The following HECW2 variants were observed in gnomAD, a reference collection of about 807,000 sequenced individuals.
HECW2 encodes HECT, C2 and WW domain containing E3 ubiquitin protein ligase 2.
HECW2 carries 61 observed loss-of-function variants against 175.2 expected under a neutral mutation model. The ratio of observed to expected loss-of-function variants is 0.35; its 90% CI spans 0.28 to 0.43. The LOEUF (loss-of-function observed/expected upper bound fraction) is 0.43. HECW2 is among the 20% of genes least tolerant of loss of function. The pLI is 1.00. For missense variants in HECW2, 1,524 were observed against 2,000.5 expected, an observed-to-expected ratio of 0.76 and a Z score of 4.54; for synonymous variants, 671 against 731.0, an observed-to-expected ratio of 0.92 and a Z score of 1.32.
At chr2:196,553,903 C>G (rs556902364) in intron 1 of HECW2, among the ~76,000 whole-genome samples, 1 of 152,224 alleles carries the variant, frequency 6.6e-6, no homozygotes, top group East Asian at 1.9e-4. Flanking sequence ...TCCACCTAAC[C>G]AATAAAAAAC....
At chr2:196,211,746 G>A (rs757767508) in intron 28 of HECW2, among the ~76,000 whole-genome samples, 1 of 152,100 alleles carries the variant, frequency 6.6e-6, no homozygotes, top group African/African-American at 2.4e-5. Flanking sequence ...TCATTGCTCC[G>A]GTTGCCAGGA....
chr2:196,393,506 C>A (rs1694572729), intron 2 of HECW2, among the ~76,000 whole-genome samples: 1 of 152,116 alleles, frequency 6.6e-6, no homozygotes. Context: ...TATGAATAGA[C>A]AATTCTCAAA....
chr2:196,547,462 C>G (rs898745109), intron 1 of HECW2, among the ~76,000 whole-genome samples: 2 of 152,220 alleles, frequency 1.3e-5, no homozygotes, highest in Non-Finnish European at 2.9e-5. Flanking sequence ...GTCATAGACT[C>G]TATCAAACTT....
chr2:196,388,128 TAA>T (rs944088180), intron 2 of HECW2, among the ~76,000 whole-genome samples: 10 of 145,356 alleles, frequency 6.9e-5, no homozygotes, highest in East Asian at 4.1e-4. Flanking sequence ...TCATCTCTAC[TAA>T]AAAAAAAAAA....
At chr2:196,218,329 C>T (rs1687549479) in intron 26 of HECW2, 1 of 152,220 alleles carries the variant, frequency 6.6e-6, no homozygotes, top group Non-Finnish European at 1.5e-5. Flanking sequence ...CTTCTTTACT[C>T]AGTGCCAAGT....
rs1161014812 is a variant in HECW2, at chr2:196,308,070, A to G, written c.2450T>C (p.Ile817Thr). Residue 817 changes from isoleucine (I) to threonine (T), a missense_variant, in exon 11 of 29, where the codon ATT (isoleucine) becomes ACT (threonine). Ile to Thr is a moderately conservative substitution (Grantham distance 89). Around this residue, in one of 11 missense-constraint regions of HECW2, gnomAD observed 82 missense variants for 124.4 expected, o/e 0.66. Transcript: ENST00000644978. ...EALPPNWEARIDSHGRIFYVD... is the reference protein window; with the variant it reads ...EALPPNWEARTDSHGRIFYVD... The stretch of plus-strand genomic sequence containing the variant: ...GTAGAAGATCCTGCCGTGGCTGTCA[A>G]TGCGTGCCTCCCAGTCTAAATGGCA... The G allele has an allele frequency of 6.3e-7, 1 of 1,587,708 alleles. No individual in the cohort carries two copies. Among genetic ancestry groups the G allele is most frequent in the Non-Finnish European group, 8.6e-7 (1 of 1,161,478 alleles).
At chr2:196,255,485 A>G (rs1344443102) in intron 18 of HECW2, among the ~76,000 whole-genome samples, 2 of 152,220 alleles carry the variant, frequency 1.3e-5, no homozygotes, top group Non-Finnish European at 2.9e-5. Context: ...TACATGAAAC[A>G]CAAAAATCAA....
chr2:196,223,147 C>A (rs7571128), intron 23 of HECW2, among the ~76,000 whole-genome samples: 4,438 of 152,268 alleles, frequency 0.029, 157 homozygotes, highest in African/African-American at 0.09. Context: ...GATGAATAGT[C>A]ACTACCCCCA....
chr2:196,210,006 G>A (rs1401457553), intron 28 of HECW2, among the ~76,000 whole-genome samples: 1 of 152,064 alleles, frequency 6.6e-6, no homozygotes, highest in African/African-American at 2.4e-5. Flanking sequence ...CTCGTGATCT[G>A]CCCACCTTGG....
chr2:196,436,118 G>A (rs1393602023), intron 1 of HECW2, among the ~76,000 whole-genome samples: 2 of 152,066 alleles, frequency 1.3e-5, no homozygotes, highest in African/African-American at 2.4e-5. Flanking sequence ...CCTGGTCTTC[G>A]AGCCGGGCCT....
At chr2:196,216,009 G>A in intron 27 of HECW2, 32 bp from the exon 28 acceptor site, 1 of 1,481,092 alleles carries the variant, frequency 6.8e-7, no homozygotes. Flanking sequence ...AGGAGAAGGT[G>A]AAGCCAGAGA....
At position 196,199,776 on chromosome 2, in the gene HECW2, A is replaced by T. The variant is rs1686798298; in HGVS notation, c.*1501T>A. ...ATCCCAAAAGCAATTAAAATGAAGA[A>T]TACCTTCTCATAAAATTAAGCAGAA... On this transcript the variant is annotated 3_prime_UTR_variant, in exon 29 of 29. Coordinates refer to ENST00000644978, the MANE Select transcript of HECW2 (RefSeq NM_001348768.2). 1 of 152,198 alleles carries T rather than the reference A, an allele frequency of 6.6e-6. No homozygotes were observed. Among genetic ancestry groups the T allele is most frequent in the Admixed American group, 6.5e-5 (1 of 15,282 alleles). The allele number at this position is 152,198 out of a possible 1,614,324, so 9.4% of individuals were successfully genotyped here.
At chr2:196,247,565 T>C (rs1425236817) in intron 19 of HECW2, among the ~76,000 whole-genome samples, 1 of 152,220 alleles carries the variant, frequency 6.6e-6, no homozygotes, top group African/African-American at 2.4e-5. Context: ...ATTTTGCTAA[T>C]ACTGTGCAGG....
chr2:196,318,821 C>G lies in HECW2; in HGVS notation c.2069G>C (p.Ser690Thr). ...EDGACAAEPT[S>T]SGPAEGSQES... Reference sequence around the variant, plus strand: ...CTGCGACCCTTCGGCAGGGCCACTGCTGGTGGGCTCTGCTGCACAGGCTCC... The same window carrying G: ...CTGCGACCCTTCGGCAGGGCCACTGGTGGTGGGCTCTGCTGCACAGGCTCC... Residue 690 changes from serine to threonine, a missense_variant, in exon 9 of 29, where the codon AGC (serine) becomes ACC (threonine). By Grantham distance (58) the Ser-to-Thr change is moderately conservative. Transcript: ENST00000644978. The G allele has an allele frequency of 6.5e-7, 1 of 1,536,026 alleles. No individual in the cohort carries two copies. The highest frequency in any genetic ancestry group is 8.8e-7 in the Non-Finnish European group (1 of 1,140,670).
chr2:196,219,280 T>C (rs1022679438), intron 26 of HECW2, among the ~76,000 whole-genome samples: 1 of 152,340 alleles, frequency 6.6e-6, no homozygotes, highest in Admixed American at 6.5e-5. Context: ...CCTAACATGG[T>C]GATAATTTTC....
At chr2:196,298,786 G>C (rs10170418) in intron 13 of HECW2, among the ~76,000 whole-genome samples, 32,056 of 152,042 alleles carry the variant, frequency 0.21, 3,667 homozygotes, top group Middle Eastern at 0.28. Flanking sequence ...TAAAAAAATA[G>C]TTAGGAAAAT....
intron 28 of HECW2, among the ~76,000 whole-genome samples, chr2:196,204,250 A>G (rs1686981561): frequency 6.6e-6 from 1 of 152,200 alleles, no homozygotes; most frequent in Admixed American, 6.5e-5. Context: ...TGCATTTTTC[A>G]TAGTGGCTGC....
At chr2:196,507,801 G>T (rs187924681) in intron 1 of HECW2, among the ~76,000 whole-genome samples, 1 of 152,204 alleles carries the variant, frequency 6.6e-6, no homozygotes, top group Non-Finnish European at 1.5e-5. Flanking sequence ...TGCTCTACGG[G>T]TGTGTTCCTC....
chr2:196,307,148 A>C lies in HECW2; in HGVS notation c.2671T>G (p.Phe891Val). The C allele has an allele frequency of 6.2e-7, 1 of 1,613,366 alleles. No homozygotes were observed. The highest frequency in any genetic ancestry group is 8.5e-7 in the Non-Finnish European group (1 of 1,179,296). ...AIDGAGEEAD[F>V]HQASADFRRE... Reference sequence around the variant, plus strand: ...CTCTTACCTGCACTGGCTTGGTGAAAGTCAGCTTCCTCCCCTGCCCCATCA... The same window carrying C: ...CTCTTACCTGCACTGGCTTGGTGAACGTCAGCTTCCTCCCCTGCCCCATCA... The change falls in exon 12 of 29, where the codon TTT becomes GTT. Residue 891 changes from phenylalanine to valine, a missense_variant. Physicochemically the swap from Phe to Val is conservative, Grantham distance 50. Around this residue, in one of 11 missense-constraint regions of HECW2, gnomAD observed 105 missense variants for 98.1 expected, o/e 1.07. Transcript: ENST00000644978.
Sources: allele counts gnomAD v4.1 joint callset (sites outside exome capture counted in the v4.1 genomes callset), GRCh38; gene constraint gnomAD v4.1.1; regional missense constraint gnomAD v4.1.1; transcripts MANE v1.5; gene names NCBI Gene and HGNC (gene_info 2026-07-23, HGNC 2026-07-21).